Variants in THSD4 observed in about 807,000 individuals in gnomAD.
The protein encoded by THSD4 is thrombospondin type-1 domain-containing protein 4.
THSD4 carries 69 observed loss-of-function variants against 119.0 expected under a neutral mutation model. That is an observed-to-expected ratio of 0.58 (90% CI 0.48 to 0.71). The LOEUF (loss-of-function observed/expected upper bound fraction) is 0.71, where lower values mean the gene tolerates loss of function less well. Among genes scored for constraint, THSD4 ranks in the 30% least tolerant of loss-of-function variants. The pLI, the probability that THSD4 is intolerant of heterozygous loss-of-function variation, is 0.00. For missense variants in THSD4, 1,393 were observed against 1,391.1 expected (o/e 1.00, Z -0.02); for synonymous variants, 524 against 540.4 (o/e 0.97, Z 0.42).
At chr15:71,749,370 C>T (rs1014088626) in intron 14 of THSD4, among the ~76,000 whole-genome samples, 3 of 152,202 alleles carry the variant, frequency 2.0e-5, no homozygotes, top group Non-Finnish European at 4.4e-5. Context: ...GTGGGATCGG[C>T]GCATTGGCGG....
At position 71,436,879 on chromosome 15, in the gene THSD4, G is replaced by A. The variant is rs202141666; in HGVS notation, c.1152+25056G>A. On this transcript the variant is annotated intron_variant, in intron 7 of 17. Coordinates refer to ENST00000261862, the MANE Select transcript of THSD4 (RefSeq NM_024817.3). ...ACTTGGAGAACACGCAGTGACCTGG[G>A]ACAAAGTCTCTTGGGCCCACAGAGC... 3.3e-5 allele frequency among the ~76,000 whole-genome samples: 5 copies of A among 152,298 alleles called. No homozygotes were observed. In the East Asian group the frequency reaches 7.7e-4, roughly 24 times the overall value.
At chr15:71,467,217 G>A (rs746590756) in intron 7 of THSD4, among the ~76,000 whole-genome samples, 1 of 152,216 alleles carries the variant, frequency 6.6e-6, no homozygotes, top group Non-Finnish European at 1.5e-5. Flanking sequence ...CTTTACTAAA[G>A]ATTAGGATGA....
At chr15:71,568,343 A>C (rs2049280630) in intron 7 of THSD4, among the ~76,000 whole-genome samples, 1 of 152,046 alleles carries the variant, frequency 6.6e-6, no homozygotes, top group South Asian at 2.1e-4. Context: ...ACAATGCTAC[A>C]AAATAGGATG....
At chr15:71,315,443 C>G (rs994613944) in intron 6 of THSD4, among the ~76,000 whole-genome samples, 1 of 152,172 alleles carries the variant, frequency 6.6e-6, no homozygotes, top group Admixed American at 6.5e-5. Flanking sequence ...CATGACACTC[C>G]GTCTTCTCTA....
At chr15:71,357,192 T>G (rs1379129938) in intron 6 of THSD4, among the ~76,000 whole-genome samples, 5 of 152,240 alleles carry the variant, frequency 3.3e-5, no homozygotes, top group Non-Finnish European at 5.9e-5. Flanking sequence ...CCTTGCATCC[T>G]AGCTGGCCCC....
At chr15:71,481,409 G>A (rs2047727984) in intron 7 of THSD4, among the ~76,000 whole-genome samples, 1 of 152,134 alleles carries the variant, frequency 6.6e-6, no homozygotes, top group Non-Finnish European at 1.5e-5. Flanking sequence ...TTTAAAAATA[G>A]ACATAAAAGT....
intron 5 of THSD4, among the ~76,000 whole-genome samples, chr15:71,249,123 A>G (rs1013380444): frequency 6.6e-6 from 1 of 152,046 alleles, no homozygotes; most frequent in African/African-American, 2.4e-5. Flanking sequence ...ATACACACAC[A>G]CACGTATGTA....
chr15:71,180,446 C>A (rs536581147), intron 3 of THSD4, among the ~76,000 whole-genome samples: 1 of 152,176 alleles, frequency 6.6e-6, no homozygotes, highest in Non-Finnish European at 1.5e-5. Context: ...AGGTTACCAA[C>A]GGCTACAAAA....
intron 7 of THSD4, among the ~76,000 whole-genome samples, chr15:71,582,904 G>A (rs1380793452): frequency 2.0e-5 from 3 of 151,992 alleles, no homozygotes; most frequent in South Asian, 2.1e-4. Context: ...GAGGATTTTT[G>A]CATCTGTATC....
intron 7 of THSD4, among the ~76,000 whole-genome samples, chr15:71,576,981 C>T (rs1318781043): frequency 1.3e-5 from 2 of 151,266 alleles, no homozygotes; most frequent in Non-Finnish European, 2.9e-5. Flanking sequence ...TATACAATTA[C>T]TTTTTAAATA....
chr15:71,149,141 C>A (rs1414758815), intron 2 of THSD4, among the ~76,000 whole-genome samples: 1 of 151,882 alleles, frequency 6.6e-6, no homozygotes, highest in East Asian at 1.9e-4. Flanking sequence ...TGGGTTCATG[C>A]CATTCTCTTG....
intron 1 of THSD4, among the ~76,000 whole-genome samples, chr15:71,099,287 A>G (rs1463332898): frequency 1.3e-5 from 2 of 152,162 alleles, no homozygotes; most frequent in Non-Finnish European, 2.9e-5. Context: ...ATTAGAATCA[A>G]TTAGTTGGTG....
chr15:71,160,751 GT>G (rs1397788128), intron 3 of THSD4, among the ~76,000 whole-genome samples: 2 of 149,392 alleles, frequency 1.3e-5, no homozygotes, highest in African/African-American at 2.5e-5. Context: ...AACACAAACT[GT>G]TTATTTTGTT....
intron 6 of THSD4, among the ~76,000 whole-genome samples, chr15:71,319,146 G>A (rs2045231438): frequency 6.6e-6 from 1 of 152,122 alleles, no homozygotes; most frequent in Admixed American, 6.5e-5. Flanking sequence ...CCTGTTTCAA[G>A]CACACCATAA....
At chr15:71,574,474 T>C (rs554338532) in intron 7 of THSD4, among the ~76,000 whole-genome samples, 2 of 152,230 alleles carry the variant, frequency 1.3e-5, no homozygotes, top group African/African-American at 4.8e-5. Flanking sequence ...ATTAAAAAGG[T>C]ACCATCCATC....
At chr15:71,165,402 A>T (rs1190971356) in intron 3 of THSD4, 3 of 1,489,764 alleles carry the variant, frequency 2.0e-6, no homozygotes, top group Middle Eastern at 1.9e-4. Context: ...GCTTCTTAGG[A>T]TCTCCTTTGC....
intron 15 of THSD4, among the ~76,000 whole-genome samples, chr15:71,762,613 G>T (rs1354207152): frequency 1.3e-5 from 2 of 152,074 alleles, no homozygotes; most frequent in Non-Finnish European, 2.9e-5. Context: ...CATTCCTCCT[G>T]CAGGAGAGGC....
chr15:71,633,967 A>G (rs2050687265), intron 7 of THSD4, among the ~76,000 whole-genome samples: 1 of 152,176 alleles, frequency 6.6e-6, no homozygotes, highest in African/African-American at 2.4e-5. Context: ...CAGGCGGATC[A>G]CCTGAGATCA....
At chr15:71,334,188 C>T (rs945183411) in intron 6 of THSD4, among the ~76,000 whole-genome samples, 1 of 152,176 alleles carries the variant, frequency 6.6e-6, no homozygotes, top group Admixed American at 6.5e-5. Flanking sequence ...TGAGAACTTA[C>T]TTTGTTCTTT....
Sources: allele counts gnomAD v4.1 joint callset (sites outside exome capture counted in the v4.1 genomes callset), GRCh38; gene constraint gnomAD v4.1.1; transcripts MANE v1.5; gene names NCBI Gene and HGNC (gene_info 2026-07-23, HGNC 2026-07-21).